The following ART3 variants were observed in gnomAD, a reference collection of about 807,000 sequenced individuals.
ART3 encodes the protein ecto-ADP-ribosyltransferase 3.
ART3 carries 49 observed loss-of-function variants against 48.5 expected under a neutral mutation model. That is an observed-to-expected ratio of 1.01 (90% CI 0.80 to 1.28). ART3 has a LOEUF of 1.28. Ranked by LOEUF, ART3 falls within the 50% of genes most tolerant of loss-of-function variation. The pLI is 0.00. For missense variants in ART3, 438 were observed against 454.3 expected, an observed-to-expected ratio of 0.96 and a Z score of 0.33; for synonymous variants, 145 against 157.2, an observed-to-expected ratio of 0.92 and a Z score of 0.58.
At chr4:76,106,287 G>T (rs1728452671) in intron 10 of ART3, 1 of 985,338 alleles carries the variant, frequency 1.0e-6, no homozygotes, top group Non-Finnish European at 1.2e-6. Flanking sequence ...TTAAAATATG[G>T]TAATATCATA....
chr4:76,088,185 G>T (rs1258459187), intron 3 of ART3, among the ~76,000 whole-genome samples: 1 of 151,926 alleles, frequency 6.6e-6, no homozygotes, highest in Non-Finnish European at 1.5e-5. Flanking sequence ...AAATATACTA[G>T]GTTTATAGGA....
chr4:76,017,348 G>A (rs1001068159), intron 1 of ART3, among the ~76,000 whole-genome samples: 2 of 151,932 alleles, frequency 1.3e-5, no homozygotes, highest in Non-Finnish European at 2.9e-5. Context: ...TTCTGGCCCA[G>A]GGCATGTCTA....
rs559047270 is a variant in ART3 at position 76,066,797 on chromosome 4, C to T, written c.-9-9084C>T. 9.9e-5 allele frequency among the ~76,000 whole-genome samples: 15 copies of T among 152,248 alleles called. No individual in the cohort carries two copies. The East Asian group carries it at 2.3e-3, about 24-fold the overall frequency. On this transcript the variant is annotated intron_variant, in intron 1 of 9. Coordinates refer to the ART3 transcript ENST00000341029. ...CTTACTGGAGACCCACCCCCTTCCA[C>T]GTGGGACTCTGCCTCCTACTACTCA...
At position 76,098,992 on chromosome 4, in the gene ART3, G is replaced by A. The variant is rs371454993; in HGVS notation, c.847+5G>A. ...CCATCTATGTCTACAACCCTGGTGA[G>A]TATGTTCTAATTTTTAAAAATAATC... is the stretch of plus-strand genomic sequence containing the variant. On this transcript the variant is annotated splice_donor_5th_base_variant and intron_variant, in intron 5 of 11. Coordinates refer to ENST00000355810, the MANE Select transcript of ART3 (RefSeq NM_001130016.3). 3.9e-5 allele frequency: 62 copies of A among 1,607,578 alleles called. No homozygotes were observed. The highest frequency in any genetic ancestry group is 4.8e-5 in the Non-Finnish European group (56 of 1,174,340).
chr4:76,108,971 GT>G (rs1728979881), intron 11 of ART3, among the ~76,000 whole-genome samples: 1 of 152,184 alleles, frequency 6.6e-6, no homozygotes, highest in South Asian at 2.1e-4. Context: ...AGGCCCAGAA[GT>G]TGCTCTGGGT....
In ART3 at chr4:76,082,371, G is replaced by T. The variant is rs1425558895; in HGVS notation, c.617G>T (p.Cys206Phe). ...CTCACTGTGTTATCCATCTACACAT[G>T]CCTTGGAGTTGACATTGAAAATTTT... Reference protein sequence around the residue: ...DQLTVLSIYTCLGVDIENFLD... With the variant: ...DQLTVLSIYTFLGVDIENFLD... Residue 206 changes from cysteine to phenylalanine, a missense_variant, in exon 3 of 12, where the codon TGC becomes TTC. Cys to Phe is a radical substitution (Grantham distance 205). Coordinates refer to ENST00000355810, the MANE Select transcript of ART3 (RefSeq NM_001130016.3). 3 of 1,614,056 alleles carry T rather than the reference G, an allele frequency of 1.9e-6. No homozygotes were observed. In the African/African-American group the frequency reaches 4.0e-5, roughly 22 times the overall value.
At chr4:76,029,014 T>C (rs1341256772) in intron 1 of ART3, among the ~76,000 whole-genome samples, 1 of 152,228 alleles carries the variant, frequency 6.6e-6, no homozygotes, top group African/African-American at 2.4e-5. Flanking sequence ...GGAAGTATGG[T>C]GCATTTCTTT....
intron 3 of ART3, among the ~76,000 whole-genome samples, chr4:76,096,926 G>A (rs555382188): frequency 9.6e-4 from 146 of 152,286 alleles, no homozygotes; most frequent in African/African-American, 3.4e-3. Context: ...CAAAGGATAG[G>A]AATTGTTGTA....
chr4:76,049,762 T>C (rs1037850846), intron 1 of ART3, among the ~76,000 whole-genome samples: 5 of 152,062 alleles, frequency 3.3e-5, no homozygotes, highest in African/African-American at 1.2e-4. Context: ...CGCTCGGCGA[T>C]AGGCGAAAGT....
intron 11 of ART3, among the ~76,000 whole-genome samples, chr4:76,108,994 G>A (rs6836703): frequency 0.17 from 26,464 of 152,042 alleles, 2,522 homozygotes; most frequent in East Asian, 0.41. Context: ...GTGTTGAGCG[G>A]ATGTGAAGGC....
chr4:76,051,031 G>A (rs926635710), intron 1 of ART3, among the ~76,000 whole-genome samples: 23 of 152,342 alleles, frequency 1.5e-4, no homozygotes, highest in East Asian at 5.8e-4. Flanking sequence ...TCCCGCTGGC[G>A]CCTGTCCCTC....
Position 76,082,086 on chromosome 4 carries a change from T to A in ART3, c.332T>A (p.Phe111Tyr), listed in dbSNP as rs758840367. ...YISEAQEQTPFYHLFSEAVKM... is the reference protein window; with the variant it reads ...YISEAQEQTPYYHLFSEAVKM... ...TCCGAAGCTCAAGAGCAAACTCCCT[T>A]TTACCATCTGTTCAGTGAAGCTGTG... The change falls in exon 3 of 12, where the codon TTT becomes TAT. Residue 111 changes from phenylalanine (F) to tyrosine (Y), a missense_variant. By Grantham distance (22) the Phe-to-Tyr change is conservative. Around this residue, in one of 3 missense-constraint regions of ART3, gnomAD observed 206 missense variants for 205.3 expected, o/e 1.00. Coordinates refer to ENST00000355810, the MANE Select transcript of ART3 (RefSeq NM_001130016.3). The A allele has an allele frequency of 1.9e-6, 3 of 1,614,198 alleles. No homozygotes were observed. In the South Asian group the frequency reaches 3.3e-5, roughly 18 times the overall value.
intron 3 of ART3, among the ~76,000 whole-genome samples, chr4:76,087,264 C>T (rs958897724): frequency 2.6e-4 from 40 of 152,078 alleles, no homozygotes; most frequent in Admixed American, 2.6e-3. Context: ...TGGAGAAGTG[C>T]GGGTCATTGT....
chr4:76,067,503 A>G (rs1340240703), intron 1 of ART3, among the ~76,000 whole-genome samples: 1 of 152,250 alleles, frequency 6.6e-6, no homozygotes, highest in African/African-American at 2.4e-5. Flanking sequence ...TAGCAATTAA[A>G]TGTCACCATT....
intron 1 of ART3, among the ~76,000 whole-genome samples, chr4:76,046,831 G>C (rs1735551062): frequency 6.6e-6 from 1 of 152,028 alleles, no homozygotes; most frequent in South Asian, 2.1e-4. Flanking sequence ...AGAAATACCT[G>C]GTTACAGGCT....
At position 76,014,016 on chromosome 4, in the gene ART3, G is replaced by A. The variant is rs1732037449; in HGVS notation, c.-10+2696G>A. On this transcript the variant is annotated intron_variant, in intron 1 of 9. Transcript: ENST00000341029. ...TAGGAAGCTCTAATGCATTTTTAGTGAAAATATTTGCTTTTTCCATTTTGT... is the reference window on the plus strand; with the variant it reads ...TAGGAAGCTCTAATGCATTTTTAGTAAAAATATTTGCTTTTTCCATTTTGT... Among the ~76,000 whole-genome samples, 3 of 152,018 alleles carry A rather than the reference G, an allele frequency of 2.0e-5. No homozygotes were observed. The South Asian group carries it at 6.2e-4, about 32-fold the overall frequency.
intron 1 of ART3, among the ~76,000 whole-genome samples, chr4:76,053,179 G>T (rs73825717): frequency 0.025 from 3,857 of 152,254 alleles, 153 homozygotes; most frequent in African/African-American, 0.086. Context: ...TTTTAACTAT[G>T]CCTGTTCATG....
At chr4:76,082,679 C>A in intron 3 of ART3, 144 bp downstream of exon 3, 1 of 612,682 alleles carries the variant, frequency 1.6e-6, no homozygotes, top group South Asian at 3.7e-5. Context: ...ATCTCTTTAC[C>A]CATAGTTAAT....
At chr4:76,065,610 T>C (rs1159123246) in intron 1 of ART3, among the ~76,000 whole-genome samples, 2 of 149,434 alleles carry the variant, frequency 1.3e-5, no homozygotes, top group Non-Finnish European at 3.0e-5. Flanking sequence ...AGACTCCTTG[T>C]CCTTGATAAG....
Sources: gnomAD v4.1 joint callset for allele counts (sites outside exome capture counted in the v4.1 genomes callset) on GRCh38, gnomAD v4.1.1 for gene constraint, gnomAD v4.1.1 regional missense constraint, MANE v1.5 for transcripts, NCBI Gene and HGNC (gene_info 2026-07-23, HGNC 2026-07-21) for gene names.